Variants in SLAMF6 observed in about 807,000 individuals in gnomAD.
SLAMF6 encodes the protein NK-T-B-antigen.
Under a neutral mutation model 38.3 loss-of-function variants are expected in SLAMF6, and 21 were observed. The observed-to-expected ratio is 0.55, with a 90% confidence interval of 0.39 to 0.79. SLAMF6 has a LOEUF of 0.79. Among genes scored for constraint, SLAMF6 ranks in the 30% least tolerant of loss-of-function variants. The pLI, the probability that SLAMF6 is intolerant of heterozygous loss-of-function variation, is 0.00. For missense variants in SLAMF6, 341 were observed against 385.3 expected, an observed-to-expected ratio of 0.89 and a Z score of 0.96; for synonymous variants, 152 against 146.3, an observed-to-expected ratio of 1.04 and a Z score of -0.28.
At chr1:160,510,060 A>G (rs1654394315) in intron 1 of SLAMF6, among the ~76,000 whole-genome samples, 1 of 152,132 alleles carries the variant, frequency 6.6e-6, no homozygotes, top group Admixed American at 6.5e-5. Context: ...AAGAAGAAAT[A>G]AAAAATTAAA....
At chr1:160,487,340 A>G (rs1653020016) in intron 6 of SLAMF6, 165 bp from the exon 7 acceptor site, 1 of 179,756 alleles carries the variant, frequency 5.6e-6, no homozygotes, top group African/African-American at 2.4e-5. Flanking sequence ...TAGCTATCAA[A>G]CTTGTGAGGA....
chr1:160,522,166 C>T (rs1655013107), intron 1 of SLAMF6, among the ~76,000 whole-genome samples: 1 of 152,102 alleles, frequency 6.6e-6, no homozygotes, highest in Admixed American at 6.6e-5. Flanking sequence ...GTTATTTTTT[C>T]TCATAACTAT....
At chr1:160,510,858 A>G (rs1369354636) in intron 1 of SLAMF6, among the ~76,000 whole-genome samples, 1 of 152,214 alleles carries the variant, frequency 6.6e-6, no homozygotes, top group Non-Finnish European at 1.5e-5. Context: ...CACAAAAATG[A>G]TCAGAGCTAA....
intron 6 of SLAMF6, among the ~76,000 whole-genome samples, chr1:160,488,258 G>A (rs1221145179): frequency 6.6e-6 from 1 of 151,996 alleles, no homozygotes; most frequent in Non-Finnish European, 1.5e-5. Flanking sequence ...GTTTTCAGGA[G>A]GAATTTGCAA....
chr1:160,510,604 C>A (rs1376382357), intron 1 of SLAMF6, among the ~76,000 whole-genome samples: 4 of 152,076 alleles, frequency 2.6e-5, no homozygotes, highest in African/African-American at 9.7e-5. Context: ...TGATAAAAGG[C>A]ATTTATGAAA....
intron 1 of SLAMF6, among the ~76,000 whole-genome samples, chr1:160,514,917 T>C (rs1654663605): frequency 6.6e-6 from 1 of 152,056 alleles, no homozygotes; most frequent in African/African-American, 2.4e-5. Flanking sequence ...AGATCTCAAA[T>C]TGAAATGCTA....
chr1:160,495,943 G>A (rs997054192), intron 2 of SLAMF6, 118 bp downstream of exon 2: 2 of 892,726 alleles, frequency 2.2e-6, no homozygotes, highest in Non-Finnish European at 1.7e-6. Context: ...CTGACTCAAT[G>A]ACTCCAAATG....
At chr1:160,499,956 G>A (rs1249966425) in intron 1 of SLAMF6, among the ~76,000 whole-genome samples, 1 of 152,194 alleles carries the variant, frequency 6.6e-6, no homozygotes, top group Non-Finnish European at 1.5e-5. Context: ...GCAACATTTT[G>A]AGCAGAATGT....
rs201625201 is a variant in SLAMF6 at position 160,486,670 on chromosome 1, G to A, written c.*37C>T. ...GTTCTGTCTCATGGGATCAGAAGAC[G>A]TGTCATTCCCGAATTCCTCTGAGGC... is the stretch of plus-strand genomic sequence containing the variant. On this transcript the variant is annotated 3_prime_UTR_variant, in exon 8 of 8. Transcript: ENST00000368057. The A allele has an allele frequency of 1.1e-4, 181 of 1,582,910 alleles. No homozygotes were observed. The African/African-American group carries it at 1.7e-3, about 15-fold the overall frequency.
At chr1:160,487,198 T>G (rs1209971610) in intron 6 of SLAMF6, 23 bp from the exon 7 acceptor site, 1 of 1,609,100 alleles carries the variant, frequency 6.2e-7, no homozygotes, top group South Asian at 1.1e-5. Context: ...TCATACCAAT[T>G]TGGCTTACAC....
intron 7 of SLAMF6, 49 bp from the exon 8 acceptor site, chr1:160,486,803 C>T (rs1232250487): frequency 6.3e-7 from 1 of 1,599,448 alleles, no homozygotes; most frequent in African/African-American, 1.3e-5. Context: ...ACTGGAACCT[C>T]AGCCCACCCC....
At chr1:160,486,980 T>C in intron 7 of SLAMF6, 124 bp downstream of exon 7, 1 of 991,106 alleles carries the variant, frequency 1.0e-6, no homozygotes, top group South Asian at 1.4e-5. Flanking sequence ...GTCCTGAGAC[T>C]TTCCGCATGC....
chr1:160,523,072 G>A lies in SLAMF6; in HGVS notation c.49+72C>T, dbSNP rs938911278. The A allele has an allele frequency of 6.5e-6, 10 of 1,535,122 alleles. No homozygotes were observed. In the East Asian group the frequency reaches 1.8e-4, roughly 28 times the overall value. On this transcript the variant is annotated intron_variant, in intron 1 of 7. Transcript: ENST00000368057. ...GAGAGCCAGACAACTGTATACAGAC[G>A]ATTTAGGTTGAGCAAGCTGCACAAA... is the stretch of plus-strand genomic sequence containing the variant.
Position 160,496,196 on chromosome 1 carries a change from C to G in SLAMF6, c.247G>C (p.Gly83Arg), listed in dbSNP as rs1486609227. The G allele has an allele frequency of 3.7e-6, 6 of 1,613,744 alleles. No homozygotes were observed. Among genetic ancestry groups the G allele is most frequent in the Non-Finnish European group, 5.1e-6 (6 of 1,179,906 alleles). ...PEIHVTNPKQ[G>R]KRLNFTQSYS... ...GACTGGGTGAAGTTCAGTCGCTTTC[C>G]CTGTTTCGGATTAGTCACGTGGATT... The change falls in exon 2 of 8, where the codon GGA becomes CGA. Residue 83 changes from glycine (G) to arginine (R), a missense_variant. Physicochemically the swap from Gly to Arg is moderately radical, Grantham distance 125. Transcript: ENST00000368057.
intron 1 of SLAMF6, among the ~76,000 whole-genome samples, chr1:160,521,225 G>T (rs936090307): frequency 6.6e-6 from 1 of 151,988 alleles, no homozygotes; most frequent in Admixed American, 6.5e-5. Flanking sequence ...CTGGGTCTCA[G>T]AACACCTGCA....
At chr1:160,514,104 T>C (rs1311232141) in intron 1 of SLAMF6, among the ~76,000 whole-genome samples, 1 of 152,142 alleles carries the variant, frequency 6.6e-6, no homozygotes, top group African/African-American at 2.4e-5. Flanking sequence ...CCCATTGGTG[T>C]GCTGTATTCA....
Position 160,486,638 on chromosome 1 carries a change from G to C in SLAMF6, c.*69C>G. 1 of 1,484,420 alleles carries C rather than the reference G, an allele frequency of 6.7e-7. No individual in the cohort carries two copies. The highest frequency in any genetic ancestry group is 9.4e-7 in the Non-Finnish European group (1 of 1,064,296). The allele number at this position is 1,484,420 out of a possible 1,614,324, so 92.0% of individuals were successfully genotyped here. A position where few individuals can be genotyped will look rare whatever the true frequency, so the allele number is the denominator to read the frequency against. On this transcript the variant is annotated 3_prime_UTR_variant, in exon 8 of 8. Coordinates refer to ENST00000368057, the MANE Select transcript of SLAMF6 (RefSeq NM_001184714.2). ...AGGAACAACAGGAACCAAGCTTCCT[G>C]TTCTTTGTTCTGTCTCATGGGATCA...
rs1286238474 is a variant in SLAMF6, at chr1:160,491,321, A to G, written c.450T>C (p.His150=). ...QLFQNMTCEL[H]LTCSVEDADD... The stretch of plus-strand genomic sequence containing the variant: ...CTGCATCCTCCACAGAGCAAGTCAG[A>G]TGGAGCTCACAGGTCATATTCTGAA... Residue 150 remains histidine (H), a synonymous_variant, in exon 3 of 8, where the codon CAT becomes CAC. Transcript: ENST00000368057. The G allele has an allele frequency of 5.0e-6, 8 of 1,614,014 alleles. No individual in the cohort carries two copies. The highest frequency in any genetic ancestry group is 6.8e-6 in the Non-Finnish European group (8 of 1,179,956).
chr1:160,522,969 G>A (rs977929151), intron 1 of SLAMF6, among the ~76,000 whole-genome samples, 175 bp downstream of exon 1: 1 of 152,120 alleles, frequency 6.6e-6, no homozygotes, highest in East Asian at 1.9e-4. Flanking sequence ...CAGGCTTATC[G>A]CATCCAAAGT....
Sources: gnomAD v4.1 joint callset for allele counts (sites outside exome capture counted in the v4.1 genomes callset) on GRCh38, gnomAD v4.1.1 for gene constraint, MANE v1.5 for transcripts, NCBI Gene and HGNC (gene_info 2026-07-23, HGNC 2026-07-21) for gene names.